GABRR2: variants seen among roughly 807,000 people sequenced by gnomAD.
GABRR2 encodes the protein gamma-aminobutyric acid type A receptor subunit rho2.
In GABRR2, 36 loss-of-function variants were observed where a neutral mutation model predicts 47.0. The ratio of observed to expected loss-of-function variants is 0.77; its 90% CI spans 0.59 to 1.01. GABRR2 has a LOEUF of 1.01. GABRR2 is among the 50% of genes least tolerant of loss of function. The pLI is 0.00. For synonymous variants in GABRR2, 204 were observed against 227.5 expected, an observed-to-expected ratio of 0.90 and a Z score of 0.93; for missense variants, 587 against 594.6, an observed-to-expected ratio of 0.99 and a Z score of 0.13.
At chr6:89,261,959 A>G (rs1773755995) in intron 8 of GABRR2, among the ~76,000 whole-genome samples, 2 of 151,636 alleles carry the variant, frequency 1.3e-5, no homozygotes, top group Non-Finnish European at 2.9e-5. Flanking sequence ...GGACAGCATG[A>G]GCCCAGGAGA....
At chr6:89,312,596 C>G (rs1407225497) in intron 1 of GABRR2, among the ~76,000 whole-genome samples, 1 of 152,224 alleles carries the variant, frequency 6.6e-6, no homozygotes, top group Non-Finnish European at 1.5e-5. Flanking sequence ...CACTCTAAGA[C>G]TGTAATCAGA....
At chr6:89,270,555 G>A (rs1251883391) in intron 3 of GABRR2, 2 of 152,290 alleles carry the variant, frequency 1.3e-5, no homozygotes, top group African/African-American at 4.8e-5. Flanking sequence ...CTAGCATCTT[G>A]GAAACTGTCA....
intron 2 of GABRR2, among the ~76,000 whole-genome samples, chr6:89,295,403 A>AT (rs1282092703): frequency 6.6e-6 from 1 of 151,912 alleles, no homozygotes; most frequent in Non-Finnish European, 1.5e-5. Flanking sequence ...GATGATGAGC[A>AT]TTTTTTCATG....
At chr6:89,281,592 T>G (rs1190726734) in intron 2 of GABRR2, among the ~76,000 whole-genome samples, 1 of 152,146 alleles carries the variant, frequency 6.6e-6, no homozygotes, top group Non-Finnish European at 1.5e-5. Flanking sequence ...CTTTGATCCA[T>G]CTCACAAGCC....
intron 8 of GABRR2, among the ~76,000 whole-genome samples, chr6:89,260,768 G>A (rs1293166090): frequency 4.6e-5 from 7 of 152,122 alleles, no homozygotes; most frequent in African/African-American, 1.2e-4. Context: ...TCTCAAACCC[G>A]GGAATCTATT....
chr6:89,257,663 G>C lies in GABRR2; in HGVS notation c.*7C>G, dbSNP rs1463608107. ...TATGCCCTCTTCTAGGAACAGCCTT[G>C]GAGCCCCTAGGAAAACACTGACCAA... is the stretch of plus-strand genomic sequence containing the variant. On this transcript the variant is annotated 3_prime_UTR_variant, in exon 9 of 9. Transcript: ENST00000402938. The C allele has an allele frequency of 6.2e-7, 1 of 1,605,274 alleles. No homozygotes were observed. The highest frequency in any genetic ancestry group is 2.2e-5 in the East Asian group (1 of 44,782).
intron 1 of GABRR2, among the ~76,000 whole-genome samples, chr6:89,301,311 G>C (rs968777833): frequency 1.4e-4 from 21 of 152,046 alleles, no homozygotes; most frequent in African/African-American, 2.9e-4. Flanking sequence ...TTGAAAACCA[G>C]CACAAGACAA....
intron 2 of GABRR2, among the ~76,000 whole-genome samples, chr6:89,293,493 T>G (rs1369693397): frequency 6.6e-6 from 1 of 152,104 alleles, no homozygotes; most frequent in Non-Finnish European, 1.5e-5. Flanking sequence ...AAATGAAATT[T>G]AAAAGAAAAT....
intron 2 of GABRR2, among the ~76,000 whole-genome samples, chr6:89,278,967 C>G (rs1248247610): frequency 6.6e-6 from 1 of 152,234 alleles, no homozygotes; most frequent in African/African-American, 2.4e-5. Flanking sequence ...CTACTCCTGG[C>G]TTCCCCAGCC....
At chr6:89,266,999 C>CTTTTTT (rs71024360) in intron 6 of GABRR2, among the ~76,000 whole-genome samples, 14 of 125,884 alleles carry the variant, frequency 1.1e-4, no homozygotes, top group Non-Finnish European at 1.6e-4. Context: ...TTCTTTTCTT[C>CTTTTTT]TTTTTTTTTT....
At chr6:89,277,868 T>TGGGGGGGGGGGGGGGG (rs141786803) in intron 2 of GABRR2, among the ~76,000 whole-genome samples, 1 of 84,402 alleles carries the variant, frequency 1.2e-5, no homozygotes, top group Non-Finnish European at 2.4e-5. Context: ...TGGGCGGGGG[T>TGGGGGGGGGGGGGGGG]GGGGGGGGGT....
At chr6:89,296,205 G>T (rs1475807159) in intron 2 of GABRR2, among the ~76,000 whole-genome samples, 1 of 152,244 alleles carries the variant, frequency 6.6e-6, no homozygotes, top group African/African-American at 2.4e-5. Flanking sequence ...TGCAGGGAAG[G>T]TTTCTTGGCT....
chr6:89,269,028 G>T lies in GABRR2; in HGVS notation c.495C>A (p.His165Gln). 3 of 1,613,834 alleles carry T rather than the reference G, an allele frequency of 1.9e-6. No homozygotes were observed. The highest frequency in any genetic ancestry group is 2.5e-6 in the Non-Finnish European group (3 of 1,179,694). The stretch of plus-strand genomic sequence containing the variant: ...ACAGCTACCTCATGCTGTACAGCAC[G>T]TGTCCATCTGGGAACACCCTCAGCA... ...NIMLRVFPDGHVLYSMRITVT... is the reference protein window; with the variant it reads ...NIMLRVFPDGQVLYSMRITVT... The change falls in exon 4 of 9, where the codon CAC becomes CAA. Residue 165 changes from histidine (H) to glutamine (Q), a missense_variant. Coordinates refer to ENST00000402938, the MANE Select transcript of GABRR2 (RefSeq NM_002043.5).
chr6:89,257,682 T>C lies in GABRR2; in HGVS notation c.1386A>G (p.Ser462=). The C allele has an allele frequency of 6.2e-7, 1 of 1,612,352 alleles. No homozygotes were observed. Among genetic ancestry groups the C allele is most frequent in the South Asian group, 1.1e-5 (1 of 90,782 alleles). ...AGCCTTGGAGCCCCTAGGAAAACAC[T>C]GACCAATAAATTAAGTTGAAAAATA... ...SYIFFNLIYW[S]VFS The change falls in exon 9 of 9, where the codon TCA becomes TCG. Residue 462 remains serine (S), a synonymous_variant. Transcript: ENST00000402938.
chr6:89,314,998 A>T, intron 1 of GABRR2, 55 bp downstream of exon 1: 1 of 1,511,552 alleles, frequency 6.6e-7, no homozygotes, highest in Non-Finnish European at 9.1e-7. Context: ...CCACTGTGCC[A>T]CTGCTGCTGC....
chr6:89,302,202 G>A (rs1237196991), intron 1 of GABRR2: 1 of 555,070 alleles, frequency 1.8e-6, no homozygotes, highest in East Asian at 4.3e-5. Flanking sequence ...CTGGGCGGGG[G>A]CACAAGCTCG....
At chr6:89,264,036 AGTTT>A (rs1375393634) in intron 8 of GABRR2, among the ~76,000 whole-genome samples, 3 of 152,160 alleles carry the variant, frequency 2.0e-5, no homozygotes, top group East Asian at 3.9e-4. Context: ...TGATAGTGAG[AGTTT>A]GTTTGTCTAG....
chr6:89,294,102 C>T (rs1224611442), intron 2 of GABRR2, among the ~76,000 whole-genome samples: 2 of 152,146 alleles, frequency 1.3e-5, no homozygotes, highest in African/African-American at 2.4e-5. Flanking sequence ...GTCCCACCCC[C>T]AGAGATTCTG....
rs1441281394 is a variant in GABRR2, at chr6:89,303,670, C to A, written c.114-3805G>T. 3.3e-3 allele frequency among the ~76,000 whole-genome samples: 422 copies of A among 128,464 alleles called. 5 individuals carry two copies. The highest frequency in any genetic ancestry group is 0.01 in the African/African-American group (370 of 35,958). The allele number at this position is 128,464 out of a possible 152,430, so 84.3% of individuals were successfully genotyped here. On this transcript the variant is annotated intron_variant, in intron 1 of 8. Transcript: ENST00000402938. The stretch of plus-strand genomic sequence containing the variant: ...AGGAAAAAAAAAAAAAAAAAAAAAA[C>A]CCAAAGCTGGAGACATCACATTACC...
Sources: gnomAD v4.1 joint callset for allele counts (sites outside exome capture counted in the v4.1 genomes callset) on GRCh38, gnomAD v4.1.1 for gene constraint, MANE v1.5 for transcripts, NCBI Gene and HGNC (gene_info 2026-07-23, HGNC 2026-07-21) for gene names.